Variants in MERTK observed in about 807,000 individuals in gnomAD.
The protein encoded by MERTK is tyrosine-protein kinase Mer.
MERTK carries 69 observed loss-of-function variants against 99.3 expected under a neutral mutation model. The observed-to-expected ratio is 0.70, with a 90% CI of 0.57 to 0.85. The LOEUF (loss-of-function observed/expected upper bound fraction) is 0.85. Ranked by LOEUF, MERTK falls within the 40% of genes least tolerant of loss-of-function variation. The probability of loss-of-function intolerance (pLI) is 0.00; values close to 1 mark genes in which losing one functional copy is unlikely to be tolerated. For missense variants in MERTK, 1,125 were observed against 1,249.4 expected, an observed-to-expected ratio of 0.90 and a Z score of 1.50; for synonymous variants, 426 against 467.6, an observed-to-expected ratio of 0.91 and a Z score of 1.15.
At position 111,968,121 on chromosome 2, in the gene MERTK, GT is replaced by G. The variant is rs754767582; in HGVS notation, c.845-12del. The stretch of plus-strand genomic sequence containing the variant: ...TTTGTGTGTGTATGTGTGTGTGTGT[GT>G]TTTGTTTTATGCAGCAATTCCCTCC... On this transcript the variant is annotated splice_polypyrimidine_tract_variant and intron_variant, in intron 5 of 18. Coordinates refer to ENST00000295408, the MANE Select transcript of MERTK (RefSeq NM_006343.3). The G allele has an allele frequency of 1.8e-5, 28 of 1,557,776 alleles. No homozygotes were observed. The highest frequency in any genetic ancestry group is 2.3e-5 in the Non-Finnish European group (26 of 1,129,004).
chr2:111,944,974 A>T lies in MERTK; in HGVS notation c.497A>T (p.Gln166Leu), dbSNP rs751775589. The change falls in exon 3 of 19, where the codon CAG becomes CTG. Residue 166 changes from glutamine to leucine, a missense_variant. Transcript: ENST00000295408. ...TTTCTTTGCAGCATAACCAGTGTGC[A>T]GCGTTCAGACAATGGGTCGTATATC... ...IIASFSITSV[Q>L]RSDNGSYICK... 4 of 1,613,252 alleles carry T rather than the reference A, an allele frequency of 2.5e-6. No individual in the cohort carries two copies. The highest frequency in any genetic ancestry group is 3.4e-6 in the Non-Finnish European group (4 of 1,179,544).
In MERTK at chr2:112,021,489, T is replaced by C; in HGVS notation, c.2257T>C (p.Tyr753His). 1 of 1,613,968 alleles carries C rather than the reference T, an allele frequency of 6.2e-7. No individual in the cohort carries two copies. The highest frequency in any genetic ancestry group is 8.5e-7 in the Non-Finnish European group (1 of 1,179,882). The change falls in exon 17 of 19, where the codon TAT becomes CAT. Residue 753 changes from tyrosine (Y) to histidine (H), a missense_variant. By Grantham distance (83) the Tyr-to-His change is moderately conservative. Coordinates refer to ENST00000295408, the MANE Select transcript of MERTK (RefSeq NM_006343.3). The stretch of plus-strand genomic sequence containing the variant: ...CTCTAAGAAGATTTACAGTGGCGAT[T>C]ATTACCGCCAAGGCCGCATTGCTAA... ...GLSKKIYSGD[Y>H]YRQGRIAKMP...
chr2:111,970,827 TC>T lies in MERTK; in HGVS notation c.960+2578del, dbSNP rs1425191935. ...CCCTCCTCCTCCTCCTCCCTCCTCC[TC>T]CCTCCTCCTTCTCCTCCTTCTCCTC... On this transcript the variant is annotated intron_variant, in intron 6 of 18. Coordinates refer to ENST00000295408, the MANE Select transcript of MERTK (RefSeq NM_006343.3). 2.6e-3 allele frequency among the ~76,000 whole-genome samples: 301 copies of T among 113,652 alleles called. 2 individuals are homozygous for T. Among genetic ancestry groups the T allele is most frequent in the African/African-American group, 0.01 (291 of 28,518 alleles). 74.6% of individuals were successfully genotyped at this position (113,652 alleles called of 152,430 possible).
At chr2:111,970,834 T>A in intron 6 of MERTK, among the ~76,000 whole-genome samples, 1 of 124,062 alleles carries the variant, frequency 8.1e-6, no homozygotes. Context: ...TCCTCCCTCC[T>A]CCTTCTCCTC....
chr2:112,007,868 AT>A (rs1310697294), intron 13 of MERTK, among the ~76,000 whole-genome samples: 5 of 151,160 alleles, frequency 3.3e-5, no homozygotes, highest in Admixed American at 6.6e-5. Context: ...TTTTTTTGGA[AT>A]TTTTTTTCTT....
At position 112,024,419 on chromosome 2, in the gene MERTK, G is replaced by A. The variant is rs79127734; in HGVS notation, c.2486+2025G>A. 1.6e-3 allele frequency among the ~76,000 whole-genome samples: 238 copies of A among 152,362 alleles called. 1 individual carries two copies. The highest frequency in any genetic ancestry group is 5.1e-3 in the African/African-American group (211 of 41,582). On this transcript the variant is annotated intron_variant, in intron 18 of 18. Coordinates refer to ENST00000295408, the MANE Select transcript of MERTK (RefSeq NM_006343.3). ...CAAAGCAGCAGAGTCAGCACACGCC[G>A]TGTGGCTGGGGAAGTCAGGCAGAGA...
intron 1 of MERTK, among the ~76,000 whole-genome samples, chr2:111,901,682 A>G (rs1026738200): frequency 1.3e-5 from 2 of 150,988 alleles, no homozygotes; most frequent in African/African-American, 2.4e-5. Context: ...CAGCCTCCCA[A>G]GTAGCTATGA....
intron 6 of MERTK, among the ~76,000 whole-genome samples, chr2:111,968,773 C>T (rs1676007826): frequency 6.6e-6 from 1 of 152,100 alleles, no homozygotes; most frequent in South Asian, 2.1e-4. Context: ...AAGTGATCCG[C>T]CCGCCTCGGC....
At chr2:111,980,159 C>T (rs1464937972) in intron 7 of MERTK, among the ~76,000 whole-genome samples, 1 of 152,176 alleles carries the variant, frequency 6.6e-6, no homozygotes, top group African/African-American at 2.4e-5. Flanking sequence ...AGGAATTAAA[C>T]GTGGCTGCTG....
chr2:111,961,854 A>G (rs2871922), intron 4 of MERTK, among the ~76,000 whole-genome samples: 94,171 of 152,152 alleles, frequency 0.62, 29,523 homozygotes, highest in Middle Eastern at 0.69. Flanking sequence ...CCATGTAGTG[A>G]CCACTTGGCT....
In MERTK at chr2:112,028,930, A is replaced by T; in HGVS notation, c.*66A>T. 1 of 1,606,926 alleles carries T rather than the reference A, an allele frequency of 6.2e-7. No individual in the cohort carries two copies. The highest frequency in any genetic ancestry group is 8.5e-7 in the Non-Finnish European group (1 of 1,177,478). On this transcript the variant is annotated 3_prime_UTR_variant, in exon 19 of 19. Coordinates refer to ENST00000295408, the MANE Select transcript of MERTK (RefSeq NM_006343.3). ...TTCTGCTGTAGGAGAATCCAATTGT[A>T]CCTGATGTTTTTGGTATTTGTCTTC... is the stretch of plus-strand genomic sequence containing the variant.
Position 111,968,122 on chromosome 2 carries a change from T to TG in MERTK, c.845-15_845-14insG, listed in dbSNP as rs71226785. 1.2e-4 allele frequency: 188 copies of TG among 1,564,534 alleles called. No individual in the cohort carries two copies. The highest frequency in any genetic ancestry group is 1.7e-4 in the Middle Eastern group (1 of 5,962). On this transcript the variant is annotated splice_polypyrimidine_tract_variant and intron_variant, in intron 5 of 18. Coordinates refer to ENST00000295408, the MANE Select transcript of MERTK (RefSeq NM_006343.3). The stretch of plus-strand genomic sequence containing the variant: ...TTGTGTGTGTATGTGTGTGTGTGTG[T>TG]TTTGTTTTATGCAGCAATTCCCTCC...
intron 6 of MERTK, among the ~76,000 whole-genome samples, chr2:111,973,505 A>G (rs980530330): frequency 6.6e-6 from 1 of 152,142 alleles, no homozygotes; most frequent in Non-Finnish European, 1.5e-5. Flanking sequence ...TTGGAATTCC[A>G]GAATGTTTAT....
intron 1 of MERTK, among the ~76,000 whole-genome samples, chr2:111,911,218 A>G (rs1396317814): frequency 6.6e-6 from 1 of 152,124 alleles, no homozygotes; most frequent in Non-Finnish European, 1.5e-5. Context: ...TACATGTTAT[A>G]AAATTTCATA....
chr2:111,934,757 A>C (rs775772427), intron 2 of MERTK, among the ~76,000 whole-genome samples: 1 of 152,122 alleles, frequency 6.6e-6, no homozygotes, highest in Non-Finnish European at 1.5e-5. Context: ...TTTTGTTGCC[A>C]TTGCGTTTGG....
At chr2:111,914,527 C>T (rs930947483) in intron 1 of MERTK, among the ~76,000 whole-genome samples, 2 of 152,208 alleles carry the variant, frequency 1.3e-5, no homozygotes, top group Admixed American at 6.5e-5. Flanking sequence ...GATCTACCTG[C>T]CTTGGCCTCC....
intron 8 of MERTK, among the ~76,000 whole-genome samples, chr2:111,992,708 G>A (rs1378354955): frequency 4.8e-5 from 7 of 146,134 alleles, no homozygotes; most frequent in Non-Finnish European, 8.9e-5. Flanking sequence ...CTGAGATAGC[G>A]CTACTGCACT....
chr2:112,028,179 T>TTTACAA, intron 18 of MERTK, 172 bp from the exon 19 acceptor site: 1 of 714,492 alleles, frequency 1.4e-6, no homozygotes. Flanking sequence ...CCATGGAACA[T>TTTACAA]TTACAAAAGT....
intron 4 of MERTK, among the ~76,000 whole-genome samples, chr2:111,964,924 C>T (rs1487456965): frequency 1.3e-5 from 2 of 152,146 alleles, no homozygotes; most frequent in Non-Finnish European, 2.9e-5. Flanking sequence ...TCTAAATGAT[C>T]CTGCTTTATT....
Sources: allele counts gnomAD v4.1 joint callset (sites outside exome capture counted in the v4.1 genomes callset), GRCh38; gene constraint gnomAD v4.1.1; transcripts MANE v1.5; gene names NCBI Gene and HGNC (gene_info 2026-07-23, HGNC 2026-07-21).